NAALADL2: variants seen among roughly 807,000 people sequenced by gnomAD.
NAALADL2 encodes the protein N-acetylated alpha-linked acidic dipeptidase like 2, also known as inactive N-acetylated-alpha-linked acidic dipeptidase-like protein 2.
NAALADL2 carries 76 observed loss-of-function variants against 87.2 expected under a neutral mutation model. The observed-to-expected ratio is 0.87, with a 90% confidence interval of 0.72 to 1.05. The LOEUF is 1.05. NAALADL2 is among the 50% of genes least tolerant of loss of function. The pLI, the probability that NAALADL2 is intolerant of heterozygous loss-of-function variation, is 0.00. For synonymous variants in NAALADL2, 354 were observed against 331.0 expected (o/e 1.07, Z -0.75); for missense variants, 1,089 against 945.8 (o/e 1.15, Z -1.99).
At position 175,809,035 on chromosome 3, in the gene NAALADL2, G is replaced by T. The variant is rs1159305552; in HGVS notation, c.*5832G>T. 2.0e-5 allele frequency: 3 copies of T among 151,876 alleles called. No homozygotes were observed. In the East Asian group the frequency reaches 5.8e-4, roughly 29 times the overall value. The allele number at this position is 151,876 out of a possible 1,614,324, so 9.4% of individuals were successfully genotyped here. A position where few individuals can be genotyped will look rare whatever the true frequency, so the allele number is the denominator to read the frequency against. ...ATTTTGAATTTCTTAGATGCTTTCAGTGTATGTGCTAGTGTTTTATTAATA... is the reference window on the plus strand; with the variant it reads ...ATTTTGAATTTCTTAGATGCTTTCATTGTATGTGCTAGTGTTTTATTAATA... On this transcript the variant is annotated 3_prime_UTR_variant, in exon 14 of 14. Coordinates refer to ENST00000454872, the MANE Select transcript of NAALADL2 (RefSeq NM_207015.3).
Position 175,132,256 on chromosome 3 carries a change from C to T in NAALADL2, c.545+34965C>T, listed in dbSNP as rs551982952. On this transcript the variant is annotated intron_variant, in intron 2 of 13. Transcript: ENST00000454872. The stretch of plus-strand genomic sequence containing the variant: ...CTCCCGGACGGGGCGGCTGGCCGGG[C>T]GGGGGGCTGACCCCCCCACCTCCCT... Among the ~76,000 whole-genome samples, 6 of 17,300 alleles carry T rather than the reference C, an allele frequency of 3.5e-4. 1 individual carries two copies. The highest frequency in any genetic ancestry group is 2.2e-3 in the African/African-American group (4 of 1,812). The allele number at this position is 17,300 out of a possible 152,430, so 11.3% of individuals were successfully genotyped here.
At chr3:175,771,850 A>C (rs149819979) in intron 13 of NAALADL2, among the ~76,000 whole-genome samples, 1 of 152,184 alleles carries the variant, frequency 6.6e-6, no homozygotes, top group Admixed American at 6.5e-5. Flanking sequence ...ACAGGTCAGC[A>C]TGGCTGTGGA....
rs1023903306 is a variant in NAALADL2 at position 174,654,528 on chromosome 3, T to C, written c.-114-83113T>C. 2.6e-5 allele frequency among the ~76,000 whole-genome samples: 4 copies of C among 152,204 alleles called. No individual in the cohort carries two copies. In the East Asian group the frequency reaches 7.7e-4, roughly 29 times the overall value. On this transcript the variant is annotated intron_variant, in intron 2 of 3. Coordinates refer to the NAALADL2 transcript ENST00000434257. ...TAGATGAGATCTGGCAAAAAAAATCTTTATATTTTAGTAAGCATGTCAGAA... is the reference window on the plus strand; with the variant it reads ...TAGATGAGATCTGGCAAAAAAAATCCTTATATTTTAGTAAGCATGTCAGAA...
At chr3:175,681,098 C>A (rs567559860) in intron 11 of NAALADL2, among the ~76,000 whole-genome samples, 2 of 152,014 alleles carry the variant, frequency 1.3e-5, no homozygotes, top group African/African-American at 2.4e-5. Flanking sequence ...GGCGACAGAG[C>A]GAGGCTCTGT....
chr3:175,261,305 A>G (rs1334059963), intron 4 of NAALADL2, among the ~76,000 whole-genome samples: 1 of 152,118 alleles, frequency 6.6e-6, no homozygotes, highest in Non-Finnish European at 1.5e-5. Context: ...ATAAAATTCA[A>G]TGAAAGCATT....
intron 10 of NAALADL2, among the ~76,000 whole-genome samples, chr3:175,588,388 T>G (rs551615030): frequency 6.6e-6 from 1 of 151,774 alleles, no homozygotes. Context: ...TGGTTGAAAA[T>G]AGATTTCAAA....
chr3:175,244,691 C>T (rs1422670705), intron 3 of NAALADL2, among the ~76,000 whole-genome samples: 1 of 152,166 alleles, frequency 6.6e-6, no homozygotes. Flanking sequence ...CTCATTCCTT[C>T]AAGGACTATG....
At chr3:174,896,287 G>T (rs1366734211) in intron 1 of NAALADL2, among the ~76,000 whole-genome samples, 1 of 151,952 alleles carries the variant, frequency 6.6e-6, no homozygotes, top group Non-Finnish European at 1.5e-5. Context: ...AAAACCTAAT[G>T]ACTCCACAAG....
At chr3:174,567,599 A>G (rs1714439437) in intron 2 of NAALADL2, among the ~76,000 whole-genome samples, 1 of 151,678 alleles carries the variant, frequency 6.6e-6, no homozygotes, top group Admixed American at 6.6e-5. Flanking sequence ...TTATGATAGT[A>G]TCAGAAGGCA....
At chr3:174,828,068 A>G (rs1191940442) in intron 3 of NAALADL2, among the ~76,000 whole-genome samples, 1 of 152,128 alleles carries the variant, frequency 6.6e-6, no homozygotes, top group South Asian at 2.1e-4. Context: ...TGTAGTCCCC[A>G]GCTACTTGGG....
chr3:175,772,819 C>T (rs1387315322), intron 13 of NAALADL2, among the ~76,000 whole-genome samples: 2 of 152,092 alleles, frequency 1.3e-5, no homozygotes, highest in Admixed American at 1.3e-4. Context: ...CTGTTGTAAC[C>T]TAACTTCTGT....
At chr3:174,860,531 C>A (rs11916789) in intron 1 of NAALADL2, among the ~76,000 whole-genome samples, 17,428 of 151,952 alleles carry the variant, frequency 0.11, 1,088 homozygotes, top group Middle Eastern at 0.15. Flanking sequence ...ATAACATATT[C>A]CTTATTTGTC....
intron 3 of NAALADL2, among the ~76,000 whole-genome samples, chr3:174,804,291 G>A (rs545224159): frequency 6.6e-6 from 1 of 152,248 alleles, no homozygotes; most frequent in South Asian, 2.1e-4. Flanking sequence ...GTATAGGAAT[G>A]CTTGTGATTT....
At chr3:175,265,778 T>A (rs768194268) in intron 4 of NAALADL2, among the ~76,000 whole-genome samples, 5 of 151,568 alleles carry the variant, frequency 3.3e-5, no homozygotes, top group Admixed American at 1.3e-4. Context: ...AATTAGCCTG[T>A]AATAAGCTAT....
At chr3:174,675,519 A>G (rs1484490425) in intron 2 of NAALADL2, among the ~76,000 whole-genome samples, 1 of 152,104 alleles carries the variant, frequency 6.6e-6, no homozygotes, top group Non-Finnish European at 1.5e-5. Context: ...CACAGCAAAT[A>G]CTTGATGGTA....
chr3:174,522,339 G>A (rs1720353213), intron 1 of NAALADL2, among the ~76,000 whole-genome samples: 1 of 152,100 alleles, frequency 6.6e-6, no homozygotes, highest in South Asian at 2.1e-4. Flanking sequence ...GGTCATGAAG[G>A]AAGAGTATTC....
At chr3:175,671,919 A>G (rs959940853) in intron 11 of NAALADL2, among the ~76,000 whole-genome samples, 4 of 152,054 alleles carry the variant, frequency 2.6e-5, no homozygotes, top group Non-Finnish European at 5.9e-5. Flanking sequence ...ACTATGTTCC[A>G]AAAGTGTTAT....
chr3:175,271,335 A>T (rs1408258623), intron 4 of NAALADL2, among the ~76,000 whole-genome samples: 2 of 152,218 alleles, frequency 1.3e-5, no homozygotes, highest in Non-Finnish European at 2.9e-5. Flanking sequence ...TTTAAAAAAA[A>T]TTGATGGATT....
chr3:174,977,757 C>T (rs1231887380), intron 1 of NAALADL2, among the ~76,000 whole-genome samples: 1 of 152,078 alleles, frequency 6.6e-6, no homozygotes, highest in African/African-American at 2.4e-5. Context: ...TACTTATCAC[C>T]TATAAACAGG....
Sources: gnomAD v4.1 joint callset for allele counts (sites outside exome capture counted in the v4.1 genomes callset) on GRCh38, gnomAD v4.1.1 for gene constraint, MANE v1.5 for transcripts, NCBI Gene and HGNC (gene_info 2026-07-23, HGNC 2026-07-21) for gene names.